Variants in VPS33B observed in about 807,000 individuals in gnomAD.
VPS33B encodes vacuolar protein sorting-associated protein 33B.
Under a neutral mutation model 95.3 loss-of-function variants are expected in VPS33B, and 80 were observed. The ratio of observed to expected loss-of-function variants is 0.84; its 90% confidence interval spans 0.70 to 1.01. VPS33B has a LOEUF of 1.01. Ranked by LOEUF, VPS33B falls within the 50% of genes least tolerant of loss-of-function variation. The pLI is 0.00. For synonymous variants in VPS33B, 280 were observed against 280.4 expected (o/e 1.00, Z 0.01); for missense variants, 715 against 773.4 (o/e 0.92, Z 0.90).
At chr15:91,021,810 T>C (rs1224822989) in intron 1 of VPS33B, among the ~76,000 whole-genome samples, 2 of 152,238 alleles carry the variant, frequency 1.3e-5, no homozygotes, top group Non-Finnish European at 2.9e-5. Context: ...CTATCACTCA[T>C]TTACCACCTG....
chr15:91,021,861 G>GT (rs2041112364), intron 1 of VPS33B, among the ~76,000 whole-genome samples: 1 of 152,202 alleles, frequency 6.6e-6, no homozygotes, highest in Admixed American at 6.5e-5. Flanking sequence ...TACTGGAGTG[G>GT]TAAGATCCCT....
chr15:90,998,713 A>G lies in VPS33B; in HGVS notation c.*262T>C, dbSNP rs886051554. The G allele has an allele frequency of 2.7e-5, 15 of 549,080 alleles. No individual in the cohort carries two copies. The highest frequency in any genetic ancestry group is 2.7e-4 in the African/African-American group (14 of 52,800). 34.0% of individuals were successfully genotyped at this position (549,080 alleles called of 1,614,324 possible). On this transcript the variant is annotated 3_prime_UTR_variant, in exon 23 of 23. Transcript: ENST00000333371. This position sits in a 1 kb window ranked among gnomAD's most constrained non-coding sequence, Gnocchi z 4.8. ...GAGGCTTTATTTACAATGACATTCA[A>G]ACAGGATTTAGCAAAGGATGCCTCT...
chr15:91,002,252 G>T lies in VPS33B; in HGVS notation c.1273-70C>A. ...ATCTAGTACTGTCAGGTACTACAGAGTTGAGCAGAAGGACTATGAAGCCTC... is the reference window on the plus strand; with the variant it reads ...ATCTAGTACTGTCAGGTACTACAGATTTGAGCAGAAGGACTATGAAGCCTC... On this transcript the variant is annotated intron_variant, in intron 17 of 22. Transcript: ENST00000333371. This position sits in a 1 kb window ranked among gnomAD's most constrained non-coding sequence, Gnocchi z 4.7. 1 of 1,595,072 alleles carries T rather than the reference G, an allele frequency of 6.3e-7. No individual in the cohort carries two copies. Among genetic ancestry groups the T allele is most frequent in the Non-Finnish European group, 8.6e-7 (1 of 1,168,470 alleles).
Position 91,007,804 on chromosome 15 carries a change from T to C in VPS33B, c.498+66A>G. On this transcript the variant is annotated intron_variant, in intron 7 of 22. Transcript: ENST00000333371. The surrounding 1 kb of genome is among the most constrained non-coding windows in gnomAD (Gnocchi z 5.3). The stretch of plus-strand genomic sequence containing the variant: ...TGGACAAAGGTTATATTGGTATTTC[T>C]AGCCCTCTGCATCCCACATTTGTCC... 6.9e-7 allele frequency: 1 copy of C among 1,452,210 alleles called. No individual in the cohort carries two copies. The highest frequency in any genetic ancestry group is 2.3e-5 in the East Asian group (1 of 44,150). 90.0% of individuals were successfully genotyped at this position (1,452,210 alleles called of 1,614,324 possible).
In VPS33B at chr15:90,999,215, C is replaced by G; in HGVS notation, c.1775-161G>C. 1 of 717,516 alleles carries G rather than the reference C, an allele frequency of 1.4e-6. No individual in the cohort carries two copies. Among genetic ancestry groups the G allele is most frequent in the South Asian group, 1.5e-5 (1 of 65,020 alleles). 44.4% of individuals were successfully genotyped at this position (717,516 alleles called of 1,614,324 possible). ...TCTTGGGCACCACTGCTTTCTATGA[C>G]TGGTATAACTGGGCTCCCTGCTGTG... is the stretch of plus-strand genomic sequence containing the variant. On this transcript the variant is annotated intron_variant, in intron 22 of 22. Transcript: ENST00000333371. This position sits in a 1 kb window ranked among gnomAD's most constrained non-coding sequence, Gnocchi z 5.1.
At position 91,002,293 on chromosome 15, in the gene VPS33B, G is replaced by C; in HGVS notation, c.1273-111C>G. 9 of 1,445,760 alleles carry C rather than the reference G, an allele frequency of 6.2e-6. No homozygotes were observed. Among genetic ancestry groups the C allele is most frequent in the Non-Finnish European group, 8.6e-6 (9 of 1,049,898 alleles). 89.6% of individuals were successfully genotyped at this position (1,445,760 alleles called of 1,614,324 possible). ...ATGAAGCCTCTGCTGCAGTGTGAAG[G>C]AGCTCACACTTTGTTGAGATAAATT... On this transcript the variant is annotated intron_variant, in intron 17 of 22. Coordinates refer to ENST00000333371, the MANE Select transcript of VPS33B (RefSeq NM_018668.5). The surrounding 1 kb of genome is among the most constrained non-coding windows in gnomAD (Gnocchi z 4.7).
At position 91,005,921 on chromosome 15, in the gene VPS33B, C is replaced by G; in HGVS notation, c.939+52G>C. ...AGAAGGGGAGCCCAAGGGCAGCAGC[C>G]TTGGGAAGCCACTGAGGCAACAAAA... On this transcript the variant is annotated intron_variant, in intron 12 of 22. Coordinates refer to ENST00000333371, the MANE Select transcript of VPS33B (RefSeq NM_018668.5). The surrounding 1 kb of genome is among the most constrained non-coding windows in gnomAD (Gnocchi z 6.4). 1 of 1,610,926 alleles carries G rather than the reference C, an allele frequency of 6.2e-7. No individual in the cohort carries two copies. The highest frequency in any genetic ancestry group is 8.5e-7 in the Non-Finnish European group (1 of 1,178,012).
rs1291736475 is a variant in VPS33B at position 91,002,564 on chromosome 15, A to G, written c.1273-382T>C. 6.6e-6 allele frequency among the ~76,000 whole-genome samples: 1 copy of G among 150,988 alleles called. No individual in the cohort carries two copies. The highest frequency in any genetic ancestry group is 2.4e-5 in the African/African-American group (1 of 41,076). On this transcript the variant is annotated intron_variant, in intron 17 of 22. Coordinates refer to ENST00000333371, the MANE Select transcript of VPS33B (RefSeq NM_018668.5). The surrounding 1 kb of genome is among the most constrained non-coding windows in gnomAD (Gnocchi z 4.7). Reference sequence around the variant, plus strand: ...AGAAATGCTTGAACCTAGGAGGCAGAGGCTGCAGTGAGTGGAGATCGCGCC... The same window carrying G: ...AGAAATGCTTGAACCTAGGAGGCAGGGGCTGCAGTGAGTGGAGATCGCGCC...
In VPS33B at chr15:91,017,033, A is replaced by G. The variant is rs1313625203; in HGVS notation, c.178-9T>C. 1.9e-6 allele frequency: 3 copies of G among 1,613,740 alleles called. No individual in the cohort carries two copies. Among genetic ancestry groups the G allele is most frequent in the Non-Finnish European group, 2.5e-6 (3 of 1,179,884 alleles). On this transcript the variant is annotated splice_polypyrimidine_tract_variant and intron_variant, in intron 2 of 22. Transcript: ENST00000333371. ...TTGTCTACTTCGTGTTGCTACAGAG[A>G]GAATCCAATAAGACAATGGACATAA...
intron 5 of VPS33B, among the ~76,000 whole-genome samples, chr15:91,012,912 G>C (rs539034796): frequency 6.6e-6 from 1 of 152,340 alleles, no homozygotes; most frequent in Non-Finnish European, 1.5e-5. Flanking sequence ...CAAAGTTGGG[G>C]TGGAGTAAAA....
Position 91,018,961 on chromosome 15 carries a change from C to T in VPS33B, c.97-1076G>A, listed in dbSNP as rs2041024840. 6.6e-6 allele frequency among the ~76,000 whole-genome samples: 1 copy of T among 151,690 alleles called. No homozygotes were observed. The highest frequency in any genetic ancestry group is 2.4e-5 in the African/African-American group (1 of 41,266). On this transcript the variant is annotated intron_variant, in intron 1 of 22. Coordinates refer to ENST00000333371, the MANE Select transcript of VPS33B (RefSeq NM_018668.5). This position sits in a 1 kb window ranked among gnomAD's most constrained non-coding sequence, Gnocchi z 4.7. ...TCCCGAGTAGCTGAGATTACAGGTG[C>T]CTGCCACCACACCTGGCTAATTTTT...
At position 91,018,303 on chromosome 15, in the gene VPS33B, C is replaced by A. The variant is rs1420434252; in HGVS notation, c.97-418G>T. Among the ~76,000 whole-genome samples, 1 of 152,156 alleles carries A rather than the reference C, an allele frequency of 6.6e-6. No homozygotes were observed. Among genetic ancestry groups the A allele is most frequent in the Non-Finnish European group, 1.5e-5 (1 of 68,026 alleles). On this transcript the variant is annotated intron_variant, in intron 1 of 22. Transcript: ENST00000333371. This position sits in a 1 kb window ranked among gnomAD's most constrained non-coding sequence, Gnocchi z 4.7. ...CTCCTAAGTACAAAATAAAATAGCA[C>A]ACGTTCACTGCAGAAAACTTAGCAA...
Position 91,007,730 on chromosome 15 carries a change from G to T in VPS33B, c.498+140C>A. On this transcript the variant is annotated intron_variant, in intron 7 of 22. Transcript: ENST00000333371. This position sits in a 1 kb window ranked among gnomAD's most constrained non-coding sequence, Gnocchi z 5.3. ...CAGGAAGTCCCACAGAGACCAATCT[G>T]TAGCACTCAATCACCACATCACTAT... 1 of 1,147,834 alleles carries T rather than the reference G, an allele frequency of 8.7e-7. No homozygotes were observed. Among genetic ancestry groups the T allele is most frequent in the Non-Finnish European group, 1.3e-6 (1 of 761,074 alleles). 71.1% of individuals were successfully genotyped at this position (1,147,834 alleles called of 1,614,324 possible). A position where few individuals can be genotyped will look rare whatever the true frequency, so the allele number is the denominator to read the frequency against.
rs1461242878 is a variant in VPS33B at position 91,017,029 on chromosome 15, A to G, written c.178-5T>C. ...TAGCTTGTCTACTTCGTGTTGCTAC[A>G]GAGAGAATCCAATAAGACAATGGAC... On this transcript the variant is annotated splice_polypyrimidine_tract_variant and splice_region_variant and intron_variant, in intron 2 of 22. Transcript: ENST00000333371. The G allele has an allele frequency of 1.9e-6, 3 of 1,613,878 alleles. No individual in the cohort carries two copies. The highest frequency in any genetic ancestry group is 2.5e-6 in the Non-Finnish European group (3 of 1,179,916).
chr15:91,014,582 A>T, intron 3 of VPS33B, 149 bp from the exon 4 acceptor site: 1 of 848,476 alleles, frequency 1.2e-6, no homozygotes, highest in East Asian at 2.5e-5. Flanking sequence ...GGTCCACCAT[A>T]TACCAACCAC....
chr15:90,999,757 A>G lies in VPS33B; in HGVS notation c.1694T>C (p.Leu565Pro), dbSNP rs1366772648. 2 of 1,614,032 alleles carry G rather than the reference A, an allele frequency of 1.2e-6. No homozygotes were observed. Among genetic ancestry groups the G allele is most frequent in the African/African-American group, 2.7e-5 (2 of 74,910 alleles). Residue 565 changes from leucine to proline, a missense_variant, in exon 22 of 23, where the codon CTG becomes CCG. Leu to Pro is a moderately conservative substitution (Grantham distance 98, BLOSUM62 -3). Transcript: ENST00000333371. This position sits in a 1 kb window ranked among gnomAD's most constrained non-coding sequence, Gnocchi z 5.1. The stretch of plus-strand genomic sequence containing the variant: ...CAAGAACACCACCAAGATGAGGCGC[A>G]GGGACTCACTGGAAGCCTTGTCTTC... ...TKEDKASSES[L>P]RLILVVFLGG...
intron 1 of VPS33B, 74 bp from the exon 2 acceptor site, chr15:91,017,959 C>A: frequency 1.4e-6 from 2 of 1,383,818 alleles, no homozygotes; most frequent in Non-Finnish European, 2.1e-6. Flanking sequence ...GCCCAGCCAC[C>A]CATCTAACAG....
In VPS33B at chr15:91,005,281, GCTGGAAAGAGCCAGAGA is replaced by G; in HGVS notation, c.1105+82_1105+98del. 1.2e-6 allele frequency: 2 copies of G among 1,612,988 alleles called. No individual in the cohort carries two copies. The highest frequency in any genetic ancestry group is 1.7e-6 in the Non-Finnish European group (2 of 1,179,788). On this transcript the variant is annotated intron_variant, in intron 14 of 22. Transcript: ENST00000333371. This position sits in a 1 kb window ranked among gnomAD's most constrained non-coding sequence, Gnocchi z 6.4. ...CCAGCATTCCACATAGCCAGTGTCA[GCTGGAAAGAGCCAGAGA>G]ACATCTTTTAAGGGTGGGACGGGGC...
chr15:91,014,560 T>C, intron 3 of VPS33B, 127 bp from the exon 4 acceptor site: 2 of 1,030,028 alleles, frequency 1.9e-6, no homozygotes, highest in Admixed American at 1.8e-5. Context: ...GCCAAAGCTA[T>C]GCTATTCTCT....
Sources: allele counts gnomAD v4.1 joint callset (sites outside exome capture counted in the v4.1 genomes callset), GRCh38; gene constraint gnomAD v4.1.1; non-coding constraint Gnocchi (gnomAD v3.1); transcripts MANE v1.5; gene names NCBI Gene and HGNC (gene_info 2026-07-23, HGNC 2026-07-21).